HADH: variants seen among roughly 807,000 people sequenced by gnomAD.
HADH encodes the protein hydroxyacyl-coenzyme A dehydrogenase, mitochondrial.
In HADH, 24 loss-of-function variants were observed where a neutral mutation model predicts 32.2. The ratio of observed to expected loss-of-function variants is 0.75; its 90% CI spans 0.54 to 1.05. The LOEUF is 1.05. Among genes scored for constraint, HADH ranks in the 50% least tolerant of loss-of-function variants. The pLI is 0.00. For synonymous variants in HADH, 139 were observed against 152.5 expected (o/e 0.91, Z 0.65); for missense variants, 350 against 397.1 (o/e 0.88, Z 1.01).
chr4:108,015,082 C>T (rs1331946444), intron 3 of HADH, among the ~76,000 whole-genome samples: 1 of 152,164 alleles, frequency 6.6e-6, no homozygotes, highest in Non-Finnish European at 1.5e-5. Flanking sequence ...AATAGTGCTG[C>T]AATAAACATA....
At chr4:108,031,609 C>T (rs1421221733) in intron 6 of HADH, 5 of 152,190 alleles carry the variant, frequency 3.3e-5, no homozygotes, top group Admixed American at 6.5e-5. Flanking sequence ...TTATCTTCAC[C>T]TTCCAGGACC....
chr4:108,027,992 C>A (rs1201863038), intron 6 of HADH: 6 of 599,624 alleles, frequency 1.0e-5, no homozygotes, highest in Non-Finnish European at 1.8e-5. Context: ...ACTCCCACCA[C>A]CCCCACTACA....
intron 1 of HADH, 81 bp downstream of exon 1, chr4:107,990,145 G>A: frequency 7.0e-7 from 1 of 1,428,526 alleles, no homozygotes; most frequent in Middle Eastern, 2.3e-4. Flanking sequence ...CGGCCGCGAG[G>A]GGCCTGCACC....
chr4:108,001,223 A>G (rs920563264), intron 1 of HADH, among the ~76,000 whole-genome samples: 26 of 152,212 alleles, frequency 1.7e-4, no homozygotes, highest in African/African-American at 6.3e-4. Context: ...GAATAGTGGT[A>G]CCAGTAATGA....
chr4:108,010,821 A>G (rs569367745), intron 2 of HADH, among the ~76,000 whole-genome samples: 9 of 148,444 alleles, frequency 6.1e-5, no homozygotes. Flanking sequence ...AGGTTCATCT[A>G]TGTTGTAACA....
At chr4:108,005,979 G>C (rs1256630404) in intron 1 of HADH, among the ~76,000 whole-genome samples, 1 of 152,260 alleles carries the variant, frequency 6.6e-6, no homozygotes, top group Non-Finnish European at 1.5e-5. Context: ...GGGGATGGTA[G>C]ATGCAAGTGT....
At chr4:108,006,777 CTG>C (rs1251685733) in intron 1 of HADH, among the ~76,000 whole-genome samples, 1 of 152,160 alleles carries the variant, frequency 6.6e-6, no homozygotes, top group Non-Finnish European at 1.5e-5. Flanking sequence ...GACATGGAAA[CTG>C]TCATTTGTCT....
At chr4:108,015,675 T>C (rs562925251) in intron 3 of HADH, among the ~76,000 whole-genome samples, 10 of 152,210 alleles carry the variant, frequency 6.6e-5, no homozygotes, top group Non-Finnish European at 1.2e-4. Context: ...GATCTGATCC[T>C]TGTCCCAGAT....
chr4:108,018,225 T>C (rs996320922), intron 3 of HADH, among the ~76,000 whole-genome samples: 3 of 152,218 alleles, frequency 2.0e-5, no homozygotes, highest in Admixed American at 6.5e-5. Context: ...GCCCAGGCTG[T>C]CCCTGCTCTG....
In HADH at chr4:108,019,545, C is replaced by A; in HGVS notation, c.425C>A (p.Thr142Lys). 2 of 1,613,650 alleles carry A rather than the reference C, an allele frequency of 1.2e-6. No individual in the cohort carries two copies. Among genetic ancestry groups the A allele is most frequent in the Non-Finnish European group, 8.5e-7 (1 of 1,179,558 alleles). ...ACTATATTTTCTCTTCACAGACATA[C>A]AATCTTTGCCAGCAACACTTCCTCC... ...KRLDKFAAEHTIFASNTSSLQ... is the reference protein window; with the variant it reads ...KRLDKFAAEHKIFASNTSSLQ... The change falls in exon 4 of 8, where the codon ACA (threonine) becomes AAA (lysine). Residue 142 changes from threonine (T) to lysine (K), a missense_variant. Transcript: ENST00000309522.
chr4:108,019,566 C>T lies in HADH; in HGVS notation c.446C>T (p.Ser149Phe). 1 of 1,613,754 alleles carries T rather than the reference C, an allele frequency of 6.2e-7. No individual in the cohort carries two copies. The highest frequency in any genetic ancestry group is 8.5e-7 in the Non-Finnish European group (1 of 1,179,616). The change falls in exon 4 of 8, where the codon TCC becomes TTC. Residue 149 changes from serine (S) to phenylalanine (F), a missense_variant. By Grantham distance (155) the Ser-to-Phe change is radical. Transcript: ENST00000309522. Reference protein sequence around the residue: ...AEHTIFASNTSSLQITSIANA... With the variant: ...AEHTIFASNTFSLQITSIANA... ...CATACAATCTTTGCCAGCAACACTT[C>T]CTCCTTGCAGATTACAAGCATAGCT...
chr4:107,991,330 A>G (rs1695564484), intron 1 of HADH, among the ~76,000 whole-genome samples: 1 of 152,038 alleles, frequency 6.6e-6, no homozygotes, highest in South Asian at 2.1e-4. Context: ...CAGTCATGAG[A>G]GAGTTTACTT....
intron 1 of HADH, among the ~76,000 whole-genome samples, chr4:108,006,251 A>C (rs1735288613): frequency 6.6e-6 from 1 of 151,990 alleles, no homozygotes; most frequent in Admixed American, 6.6e-5. Flanking sequence ...GAGCAACAGG[A>C]AGACTTTGGA....
At chr4:108,004,843 C>T in intron 1 of HADH, 1 of 1,535,894 alleles carries the variant, frequency 6.5e-7, no homozygotes, top group Non-Finnish European at 8.7e-7. Context: ...GGAACATGAC[C>T]CTGCGGAGAT....
Position 108,000,652 on chromosome 4 carries a change from T to C in HADH, c.133-9107T>C, listed in dbSNP as rs368320976. ...GCACAAAAGAAGTGATTACCTCTAC[T>C]AAGGGTTGGGAGAAGTTTCACTAAA... On this transcript the variant is annotated intron_variant, in intron 1 of 7. Transcript: ENST00000309522. 3.3e-4 allele frequency among the ~76,000 whole-genome samples: 51 copies of C among 152,312 alleles called. No homozygotes were observed. In the East Asian group the frequency reaches 7.5e-3, roughly 22 times the overall value.
At chr4:108,013,518 TCTC>T (rs1735577981) in intron 2 of HADH, among the ~76,000 whole-genome samples, 1 of 152,170 alleles carries the variant, frequency 6.6e-6, no homozygotes, top group Non-Finnish European at 1.5e-5. Context: ...CTGAGGTTTC[TCTC>T]CTCTGCCAGG....
chr4:108,024,960 G>T (rs1311146252), intron 5 of HADH: 1 of 152,158 alleles, frequency 6.6e-6, no homozygotes. Flanking sequence ...CTTTCAGAGG[G>T]TCTTTCTGGG....
intron 1 of HADH, among the ~76,000 whole-genome samples, chr4:108,001,935 T>A (rs1411137507): frequency 6.6e-6 from 1 of 152,158 alleles, no homozygotes; most frequent in Non-Finnish European, 1.5e-5. Flanking sequence ...GCAGCAGTGG[T>A]GGTGGAAGAA....
intron 4 of HADH, among the ~76,000 whole-genome samples, chr4:108,022,940 A>G (rs1735941368): frequency 6.6e-6 from 1 of 151,714 alleles, no homozygotes; most frequent in South Asian, 2.1e-4. Context: ...ACACGTACAC[A>G]CATACACTTG....
Sources: allele counts gnomAD v4.1 joint callset (sites outside exome capture counted in the v4.1 genomes callset), GRCh38; gene constraint gnomAD v4.1.1; transcripts MANE v1.5; gene names NCBI Gene and HGNC (gene_info 2026-07-23, HGNC 2026-07-21).